Variants in CLVS1 observed in about 807,000 individuals in gnomAD.
CLVS1 encodes the protein clavesin-1.
CLVS1 carries 10 observed loss-of-function variants against 33.1 expected under a neutral mutation model. The observed-to-expected ratio is 0.30, with a 90% CI of 0.19 to 0.51. The LOEUF (loss-of-function observed/expected upper bound fraction) is 0.51, where lower values mean the gene tolerates loss of function less well. Among genes scored for constraint, CLVS1 ranks in the 20% least tolerant of loss-of-function variants. The pLI is 0.97. For synonymous variants in CLVS1, 163 were observed against 166.1 expected, an observed-to-expected ratio of 0.98 and a Z score of 0.14; for missense variants, 343 against 433.4, an observed-to-expected ratio of 0.79 and a Z score of 1.85.
chr8:60,983,027 G>T, the CLVS1 span, among the ~76,000 whole-genome samples: 1 of 152,112 alleles, frequency 6.6e-6, no homozygotes, highest in Non-Finnish European at 1.5e-5. Flanking sequence ...ACGCTAGCTG[G>T]TACTCATATA....
At chr8:61,433,128 A>G (rs903958243) in intron 3 of CLVS1, among the ~76,000 whole-genome samples, 3 of 152,120 alleles carry the variant, frequency 2.0e-5, no homozygotes, top group Non-Finnish European at 4.4e-5. Context: ...TAACTTTTGT[A>G]TTTTTTGTAG....
At chr8:61,262,120 C>T (rs139061927) in intron 2 of CLVS1, among the ~76,000 whole-genome samples, 86 of 151,954 alleles carry the variant, frequency 5.7e-4, no homozygotes, top group African/African-American at 1.7e-3. Flanking sequence ...GAAGTGATCT[C>T]TTCTCATTTC....
At chr8:61,378,253 T>A (rs1813727891) in intron 3 of CLVS1, 1 of 149,440 alleles carries the variant, frequency 6.7e-6, no homozygotes, top group Non-Finnish European at 1.5e-5. Flanking sequence ...CTTTATACAT[T>A]TTTTTTCTTA....
At chr8:61,434,349 G>A (rs1291932182) in intron 3 of CLVS1, among the ~76,000 whole-genome samples, 2 of 152,180 alleles carry the variant, frequency 1.3e-5, no homozygotes, top group Non-Finnish European at 2.9e-5. Flanking sequence ...CATGGCTTGA[G>A]AATAAACAGT....
chr8:61,265,939 C>G (rs1809294544), intron 2 of CLVS1, among the ~76,000 whole-genome samples: 1 of 152,174 alleles, frequency 6.6e-6, no homozygotes, highest in African/African-American at 2.4e-5. Context: ...ACAGAGAAGC[C>G]CCCTCACCAG....
At chr8:61,217,273 T>G (rs1454692785) in intron 2 of CLVS1, among the ~76,000 whole-genome samples, 1 of 152,168 alleles carries the variant, frequency 6.6e-6, no homozygotes, top group Non-Finnish European at 1.5e-5. Flanking sequence ...GTAAACACCA[T>G]GAACCACAAG....
intron 2 of CLVS1, among the ~76,000 whole-genome samples, chr8:61,348,655 C>T (rs879499010): frequency 1.3e-5 from 2 of 151,996 alleles, no homozygotes; most frequent in Admixed American, 1.3e-4. Flanking sequence ...CATATTTTGG[C>T]TATTGCGAAT....
the CLVS1 span, among the ~76,000 whole-genome samples, chr8:61,005,376 CTT>C: frequency 7.0e-6 from 1 of 143,658 alleles, no homozygotes; most frequent in Non-Finnish European, 1.5e-5. Context: ...AACAGGGTGG[CTT>C]TTTTTTTTTA....
chr8:61,022,574 A>G, the CLVS1 span, among the ~76,000 whole-genome samples: 1 of 152,160 alleles, frequency 6.6e-6, no homozygotes, highest in Non-Finnish European at 1.5e-5. Context: ...TCCTCTATTC[A>G]TGTTATTGCT....
chr8:61,123,372 G>A (rs867090202), intron 1 of CLVS1, among the ~76,000 whole-genome samples: 11 of 152,032 alleles, frequency 7.2e-5, no homozygotes, highest in African/African-American at 2.4e-4. Flanking sequence ...GTAACGTTGT[G>A]GCTATTTTAA....
the CLVS1 span, among the ~76,000 whole-genome samples, chr8:60,971,071 C>CTTTTT: frequency 2.1e-4 from 19 of 91,068 alleles, no homozygotes; most frequent in East Asian, 3.6e-4. Context: ...ATGACTTTTC[C>CTTTTT]TTTTTTTTTT....
At chr8:61,108,758 C>T (rs1805580903) in intron 1 of CLVS1, among the ~76,000 whole-genome samples, 1 of 152,224 alleles carries the variant, frequency 6.6e-6, no homozygotes, top group South Asian at 2.1e-4. Flanking sequence ...TCTGTGATTA[C>T]AAAGCTTAGC....
At chr8:61,449,320 A>G (rs1000042977) in intron 3 of CLVS1, among the ~76,000 whole-genome samples, 2 of 152,198 alleles carry the variant, frequency 1.3e-5, no homozygotes, top group African/African-American at 4.8e-5. Flanking sequence ...AGGGATTCTC[A>G]TTACTGACAG....
chr8:60,971,888 ACTGGCTG>A, the CLVS1 span, among the ~76,000 whole-genome samples: 1 of 151,416 alleles, frequency 6.6e-6, no homozygotes, highest in East Asian at 1.9e-4. Flanking sequence ...CCAGGCTGCT[ACTGGCTG>A]CCTCTGTCAG....
rs776626470 is a variant in CLVS1, at chr8:61,224,297, C to T, written c.-151-75380C>T. Among the ~76,000 whole-genome samples, 6 of 152,116 alleles carry T rather than the reference C, an allele frequency of 3.9e-5. 1 individual carries two copies. The highest frequency in any genetic ancestry group is 1.3e-4 in the Admixed American group (2 of 15,258). On this transcript the variant is annotated intron_variant, in intron 2 of 2. Coordinates refer to the CLVS1 transcript ENST00000522621. ...TTTTTCATTGATTCTTTCTCAACTT[C>T]GTGAGTTTGTCTAGTTTTGGTCTTT...
intron 2 of CLVS1, among the ~76,000 whole-genome samples, chr8:61,234,618 C>G (rs1808517245): frequency 6.6e-6 from 1 of 152,134 alleles, no homozygotes; most frequent in Admixed American, 6.5e-5. Flanking sequence ...ATTGGATTAT[C>G]CAATTTTCAT....
At chr8:60,985,999 G>C in the CLVS1 span, among the ~76,000 whole-genome samples, 2 of 152,174 alleles carry the variant, frequency 1.3e-5, no homozygotes, top group Non-Finnish European at 2.9e-5. Context: ...CCAGACTAAT[G>C]TAATAAAAAC....
chr8:61,261,159 T>G (rs778129545), intron 2 of CLVS1, among the ~76,000 whole-genome samples: 2 of 152,196 alleles, frequency 1.3e-5, no homozygotes, highest in Non-Finnish European at 2.9e-5. Context: ...GTTCCAATAC[T>G]GCTTCCCATA....
intron 1 of CLVS1, 130 bp downstream of exon 1, chr8:61,288,268 C>T (rs1309188702): frequency 2.2e-6 from 1 of 456,524 alleles, no homozygotes; most frequent in African/African-American, 2.0e-5. Flanking sequence ...AATCCCTCTG[C>T]ACTCCATCCC....
Sources: gnomAD v4.1 joint callset for allele counts (sites outside exome capture counted in the v4.1 genomes callset) on GRCh38, gnomAD v4.1.1 for gene constraint, MANE v1.5 for transcripts, NCBI Gene and HGNC (gene_info 2026-07-23, HGNC 2026-07-21) for gene names.